The following RSAD1 variants were observed in gnomAD, a reference collection of about 807,000 sequenced individuals.
RSAD1 encodes the protein radical S-adenosyl methionine domain-containing protein 1, mitochondrial.
Under a neutral mutation model 46.2 loss-of-function variants are expected in RSAD1, and 34 were observed. That is an observed-to-expected ratio of 0.74 (90% CI 0.56 to 0.98). RSAD1 has a LOEUF of 0.98. Among genes scored for constraint, RSAD1 ranks in the 50% least tolerant of loss-of-function variants. RSAD1 has a pLI of 0.00. For synonymous variants in RSAD1, 260 were observed against 253.5 expected (o/e 1.03, Z -0.24); for missense variants, 635 against 592.3 (o/e 1.07, Z -0.75).
chr17:50,483,374 A>G lies in RSAD1; in HGVS notation c.939A>G (p.Gly313=), dbSNP rs2033408207. 1 of 1,613,836 alleles carries G rather than the reference A, an allele frequency of 6.2e-7. No homozygotes were observed. Among genetic ancestry groups the G allele is most frequent in the African/African-American group, 1.3e-5 (1 of 74,894 alleles). The part of the protein sequence containing the change: ...AHGRFMPQGA[G]GHTREARIQT... ...GACGATTTATGCCCCAGGGGGCTGG[A>G]GGCCACACCCGGGAGGCTCGGATCC... The change falls in exon 6 of 9, where the codon GGA becomes GGG. Residue 313 remains glycine (G), a synonymous_variant. Transcript: ENST00000258955.
At chr17:50,480,329 ATAG>A in intron 3 of RSAD1, 2 of 534,604 alleles carry the variant, frequency 3.7e-6, no homozygotes, top group South Asian at 2.1e-5. Flanking sequence ...TGCCTGGCAC[ATAG>A]TAGGTGGTCA....
At position 50,480,030 on chromosome 17, in the gene RSAD1, C is replaced by T. The variant is rs751795358; in HGVS notation, c.420C>T (p.Ser140=). The change falls in exon 3 of 9, where the codon TCC becomes TCT. Residue 140 remains serine, a synonymous_variant. Coordinates refer to ENST00000258955, the MANE Select transcript of RSAD1 (RefSeq NM_018346.3). The stretch of plus-strand genomic sequence containing the variant: ...CTAATCCTACTTCAGCTCCGGGCTC[C>T]AGACTGGCAGAGTTCGGGGCAGCAG... ...LEANPTSAPG[S]RLAEFGAAGV... The T allele has an allele frequency of 3.0e-5, 48 of 1,614,042 alleles. 1 individual carries two copies. In the South Asian group the frequency reaches 5.2e-4, roughly 17 times the overall value.
chr17:50,484,820 G>A lies in RSAD1; in HGVS notation c.1288G>A (p.Ala430Thr). The change falls in exon 9 of 9, where the codon GCC (alanine) becomes ACC (threonine). Residue 430 changes from alanine (A) to threonine (T), a missense_variant. By Grantham distance (58) the Ala-to-Thr change is moderately conservative (BLOSUM62 0). Coordinates refer to ENST00000258955, the MANE Select transcript of RSAD1 (RefSeq NM_018346.3). ...GACCCTCCTGCCTCAGCTCCAAGAA[G>A]CCTGGCAGCAGAGAACCCCCTCCCC... ...LLTLLPQLQE[A>T]WQQRTPSPVP... 1.2e-6 allele frequency: 2 copies of A among 1,614,088 alleles called. No individual in the cohort carries two copies. Among genetic ancestry groups the A allele is most frequent in the Non-Finnish European group, 8.5e-7 (1 of 1,179,988 alleles).
chr17:50,484,658 C>A, intron 8 of RSAD1, 86 bp from the exon 9 acceptor site: 1 of 1,510,744 alleles, frequency 6.6e-7, no homozygotes. Flanking sequence ...GCGGGACCTG[C>A]GGGTGCTGGG....
In RSAD1 at chr17:50,479,392, G is replaced by A; in HGVS notation, c.136-237G>A. The stretch of plus-strand genomic sequence containing the variant: ...AAGAGCTTGGGTTGAATTCCTTCCT[G>A]ACGTCTGCTGGTTGGAAGAGGCAGC... On this transcript the variant is annotated intron_variant, in intron 1 of 8. Coordinates refer to ENST00000258955, the MANE Select transcript of RSAD1 (RefSeq NM_018346.3). 9.2e-6 allele frequency: 5 copies of A among 540,716 alleles called. No homozygotes were observed. In the South Asian group the frequency reaches 1.3e-4, roughly 14 times the overall value. 33.5% of individuals were successfully genotyped at this position (540,716 alleles called of 1,614,324 possible).
At position 50,479,930 on chromosome 17, in the gene RSAD1, A is replaced by C; in HGVS notation, c.320A>C (p.His107Pro). The change falls in exon 3 of 9, where the codon CAC (histidine) becomes CCC (proline). Residue 107 changes from histidine to proline, a missense_variant. Transcript: ENST00000258955. ...GGGACCCCCAGTCTAGCCAGTCCCC[A>C]CACGGTGGCTGCTGTCCTGGAGGCT... is the stretch of plus-strand genomic sequence containing the variant. ...GGGTPSLASP[H>P]TVAAVLEAVA... The C allele has an allele frequency of 6.2e-7, 1 of 1,614,206 alleles. No individual in the cohort carries two copies. Among genetic ancestry groups the C allele is most frequent in the East Asian group, 2.2e-5 (1 of 44,886 alleles).
chr17:50,482,564 T>G lies in RSAD1; in HGVS notation c.841-79T>G, dbSNP rs1288498559. On this transcript the variant is annotated intron_variant, in intron 4 of 8. Transcript: ENST00000258955. Reference sequence around the variant, plus strand: ...GATCCTGGCCGAGATGGTGGGACATTCTAACCTGGGGCCCCTTACCTGAGT... The same window carrying G: ...GATCCTGGCCGAGATGGTGGGACATGCTAACCTGGGGCCCCTTACCTGAGT... The G allele has an allele frequency of 2.5e-6, 4 of 1,612,670 alleles. No individual in the cohort carries two copies. The Admixed American group carries it at 6.7e-5, about 27-fold the overall frequency.
intron 5 of RSAD1, 140 bp from the exon 6 acceptor site, chr17:50,483,200 A>AGAAC (rs2033405356): frequency 1.1e-6 from 1 of 900,256 alleles, no homozygotes. Context: ...AAAGAAAGAA[A>AGAAC]GAAAGAAAGA....
chr17:50,481,272 A>G (rs1457622888), intron 3 of RSAD1, among the ~76,000 whole-genome samples: 2 of 152,178 alleles, frequency 1.3e-5, no homozygotes, highest in Admixed American at 6.5e-5. Context: ...GAATATGACA[A>G]TGTATTATGT....
At chr17:50,483,837 C>T in intron 7 of RSAD1, 77 bp downstream of exon 7, 1 of 1,372,608 alleles carries the variant, frequency 7.3e-7, no homozygotes, top group Non-Finnish European at 1.0e-6. Flanking sequence ...GCCACCCCCC[C>T]CACACACATA....
intron 3 of RSAD1, among the ~76,000 whole-genome samples, chr17:50,480,972 T>C (rs574580591): frequency 7.2e-5 from 11 of 152,232 alleles, no homozygotes; most frequent in Non-Finnish European, 1.3e-4. Flanking sequence ...TACAGCACTG[T>C]TAACTATAAG....
chr17:50,479,797 A>T (rs772158041), intron 2 of RSAD1, 35 bp downstream of exon 2: 4 of 1,590,792 alleles, frequency 2.5e-6, no homozygotes, highest in Admixed American at 1.7e-5. Flanking sequence ...CGTTTTGGGA[A>T]ATATTTGGAG....
rs777631915 is a variant in RSAD1, at chr17:50,483,292, CAT to C, written c.905-46_905-45del. On this transcript the variant is annotated intron_variant, in intron 5 of 8. Coordinates refer to ENST00000258955, the MANE Select transcript of RSAD1 (RefSeq NM_018346.3). ...CCACATGATTTAAATCTGGTAAACA[CAT>C]AGTATTAACAGCCATTAATGTGGGG... 3.2e-6 allele frequency: 5 copies of C among 1,580,722 alleles called. No homozygotes were observed. The African/African-American group carries it at 6.8e-5, about 21-fold the overall frequency.
At chr17:50,481,133 T>A (rs560443473) in intron 3 of RSAD1, among the ~76,000 whole-genome samples, 7 of 152,316 alleles carry the variant, frequency 4.6e-5, no homozygotes, top group African/African-American at 1.7e-4. Context: ...GCCAGTGTCA[T>A]GAGAGACAAA....
In RSAD1 at chr17:50,482,149, T is replaced by C. The variant is rs768857435; in HGVS notation, c.533T>C (p.Leu178Pro). Reference sequence around the variant, plus strand: ...CGGACGCACTCGGCCTGCGATGCTCTGCGGACGCTGGCAGAGGCCCGGCGC... The same window carrying C: ...CGGACGCACTCGGCCTGCGATGCTCCGCGGACGCTGGCAGAGGCCCGGCGC... ...LGRTHSACDA[L>P]RTLAEARRLF... The change falls in exon 4 of 9, where the codon CTG (leucine) becomes CCG (proline). Residue 178 changes from leucine to proline, a missense_variant. Physicochemically the swap from Leu to Pro is moderately conservative, Grantham distance 98. Transcript: ENST00000258955. The C allele has an allele frequency of 6.3e-7, 1 of 1,591,668 alleles. No homozygotes were observed. Among genetic ancestry groups the C allele is most frequent in the Non-Finnish European group, 8.6e-7 (1 of 1,166,036 alleles).
At chr17:50,482,809 T>A in intron 5 of RSAD1, 103 bp downstream of exon 5, 2 of 1,106,994 alleles carry the variant, frequency 1.8e-6, no homozygotes, top group Non-Finnish European at 2.6e-6. Flanking sequence ...TTCTCATATG[T>A]AAAATGTGGC....
chr17:50,482,666 G>A lies in RSAD1; in HGVS notation c.864G>A (p.Trp288Ter). 2 of 1,614,164 alleles carry A rather than the reference G, an allele frequency of 1.2e-6. No individual in the cohort carries two copies. Among genetic ancestry groups the A allele is most frequent in the Non-Finnish European group, 1.7e-6 (2 of 1,180,036 alleles). Residue 288 changes from tryptophan to a stop codon, truncating the protein, a stop_gained, in exon 5 of 9, where the codon TGG becomes TGA. Coordinates refer to ENST00000258955, the MANE Select transcript of RSAD1 (RefSeq NM_018346.3). LOFTEE classifies it high-confidence loss of function. Reference sequence around the variant, plus strand: ...AGGGGGCGCTCAGTACCCACAATTGGACTTACTGGCAGTGTGGTCAGTACC... The same window carrying A: ...AGGGGGCGCTCAGTACCCACAATTGAACTTACTGGCAGTGTGGTCAGTACC... ...ARNGALSTHN[W>*]TYWQCGQYLG...
At chr17:50,483,547 A>C in intron 6 of RSAD1, 60 bp downstream of exon 6, 1 of 1,596,108 alleles carries the variant, frequency 6.3e-7, no homozygotes, top group Non-Finnish European at 8.5e-7. Context: ...GACCATGTCT[A>C]TTTGTATATC....
intron 4 of RSAD1, 60 bp downstream of exon 4, chr17:50,482,516 C>G: frequency 1.9e-6 from 3 of 1,608,202 alleles, no homozygotes; most frequent in Non-Finnish European, 2.5e-6. Flanking sequence ...GTGACCAGGG[C>G]GTTGTGACCT....
Sources: allele counts gnomAD v4.1 joint callset (sites outside exome capture counted in the v4.1 genomes callset), GRCh38; gene constraint gnomAD v4.1.1; transcripts MANE v1.5; gene names NCBI Gene and HGNC (gene_info 2026-07-23, HGNC 2026-07-21).